Variants in SH3BGRL observed in about 807,000 individuals in gnomAD.
SH3BGRL encodes the protein adapter SH3BGRL.
Under a neutral mutation model 9.8 loss-of-function variants are expected in SH3BGRL, and 7 were observed. The ratio of observed to expected loss-of-function variants is 0.72; its 90% confidence interval spans 0.41 to 1.35. SH3BGRL has a LOEUF of 1.35. Among genes scored for constraint, SH3BGRL ranks in the 40% most tolerant of loss-of-function variants. The pLI is 0.01. For missense variants in SH3BGRL, 73 were observed against 84.4 expected, an observed-to-expected ratio of 0.86 and a Z score of 0.53; for synonymous variants, 36 against 29.1, an observed-to-expected ratio of 1.24 and a Z score of -0.76.
chrX:81,297,271 A>G lies in SH3BGRL; in HGVS notation c.*44A>G. ...TAAGCATCCTGAAAAATGAGTCTCC[A>G]TTGCTTTTATAAAATAGCAGAATTA... On this transcript the variant is annotated 3_prime_UTR_variant, in exon 4 of 4. Coordinates refer to ENST00000373212, the MANE Select transcript of SH3BGRL (RefSeq NM_003022.3). 3 of 1,078,469 alleles carry G rather than the reference A, an allele frequency of 2.8e-6. No individual in the cohort carries two copies. Among genetic ancestry groups the G allele is most frequent in the Non-Finnish European group, 2.6e-6 (2 of 783,970 alleles). 88.9% of individuals were successfully genotyped at this position (1,078,469 alleles called of 1,213,427 possible). A position where few individuals can be genotyped will look rare whatever the true frequency, so the allele number is the denominator to read the frequency against.
At chrX:81,240,108 G>GA (rs957910307) in intron 1 of SH3BGRL, among the ~76,000 whole-genome samples, 2 of 111,905 alleles carry the variant, frequency 1.8e-5, no homozygotes, top group African/African-American at 3.3e-5. Context: ...GAAATACACA[G>GA]AAAAAACACA....
At chrX:81,271,455 G>A (rs1243946564) in intron 1 of SH3BGRL, among the ~76,000 whole-genome samples, 5 of 112,156 alleles carry the variant, frequency 4.5e-5, no homozygotes, top group African/African-American at 1.3e-4. Context: ...CCACATCTTG[G>A]AACATCTGTC....
intron 1 of SH3BGRL, among the ~76,000 whole-genome samples, chrX:81,251,586 AT>A (rs2075710945): frequency 9.0e-6 from 1 of 111,638 alleles, no homozygotes; most frequent in South Asian, 3.7e-4. Context: ...CTGTTTTCTC[AT>A]TAATTACAAT....
chrX:81,278,191 A>T, intron 2 of SH3BGRL, 140 bp from the exon 3 acceptor site: 1 of 402,088 alleles, frequency 2.5e-6, no homozygotes, highest in South Asian at 5.1e-5. Context: ...TCAAACTCCC[A>T]ACCTTAGGTG....
At chrX:81,209,211 T>C (rs1239118069) in intron 1 of SH3BGRL, among the ~76,000 whole-genome samples, 9 of 109,564 alleles carry the variant, frequency 8.2e-5, no homozygotes, top group Non-Finnish European at 1.9e-5. Flanking sequence ...TTTCACCACG[T>C]TGCCCAGGCT....
intron 1 of SH3BGRL, among the ~76,000 whole-genome samples, chrX:81,227,318 G>T (rs912044182): frequency 3.6e-5 from 4 of 112,119 alleles, no homozygotes; most frequent in South Asian, 7.3e-4. Flanking sequence ...CAGATCCATT[G>T]CTAAAGCGAT....
intron 1 of SH3BGRL, among the ~76,000 whole-genome samples, chrX:81,241,399 G>A (rs1274340651): frequency 1.8e-5 from 2 of 112,012 alleles, no homozygotes; most frequent in Non-Finnish European, 3.8e-5. Flanking sequence ...AAATCTGGGG[G>A]CCAGGCTGCC....
intron 1 of SH3BGRL, among the ~76,000 whole-genome samples, chrX:81,250,385 C>T (rs1197153364): frequency 3.9e-4 from 37 of 94,755 alleles, no homozygotes; most frequent in African/African-American, 1.2e-3. Context: ...CCAGCCTGGG[C>T]GACACAGCGA....
chrX:81,276,730 A>G (rs757943824), intron 1 of SH3BGRL, among the ~76,000 whole-genome samples: 10 of 111,306 alleles, frequency 9.0e-5, no homozygotes, highest in Admixed American at 2.9e-4. Context: ...TTAGTTTTGC[A>G]TGTACATCAT....
intron 1 of SH3BGRL, among the ~76,000 whole-genome samples, chrX:81,249,108 GAAAAC>G (rs753871575): frequency 0.011 from 1,195 of 110,815 alleles, 18 homozygotes; most frequent in African/African-American, 0.037. Context: ...GCTGTCTTGG[GAAAAC>G]AAAACAAAAC....
Position 81,269,147 on chromosome X carries a change from C to G in SH3BGRL, c.46-7837C>G, listed in dbSNP as rs138467633. On this transcript the variant is annotated intron_variant, in intron 1 of 3. Transcript: ENST00000373212. ...GATGGGTCTCCTGAATACAGCACAC[C>G]GATGGGTCTTGATTCTTTATCCAAT... Among the ~76,000 whole-genome samples the G allele has an allele frequency of 9.4e-3, 1,048 of 111,125 alleles. 12 individuals carry two copies. The highest frequency in any genetic ancestry group is 0.032 in the African/African-American group (980 of 30,515).
At chrX:81,205,502 GTGTA>G (rs745430830) in intron 1 of SH3BGRL, among the ~76,000 whole-genome samples, 1,068 of 88,887 alleles carry the variant, frequency 0.012, 15 homozygotes, top group African/African-American at 0.045. Context: ...GTGTGTGTGT[GTGTA>G]TATATATATA....
At chrX:81,224,742 T>G (rs1302950298) in intron 1 of SH3BGRL, among the ~76,000 whole-genome samples, 2 of 111,986 alleles carry the variant, frequency 1.8e-5, no homozygotes, top group African/African-American at 6.5e-5. Flanking sequence ...TTCCACTGCA[T>G]TTTTCTTAAA....
chrX:81,235,708 A>T (rs1269019528), intron 1 of SH3BGRL, among the ~76,000 whole-genome samples: 2 of 111,255 alleles, frequency 1.8e-5, no homozygotes, highest in African/African-American at 3.3e-5. Context: ...TTTTCCACTT[A>T]TTAACTGTAC....
intron 1 of SH3BGRL, among the ~76,000 whole-genome samples, chrX:81,273,278 C>T (rs898894775): frequency 2.7e-5 from 3 of 112,682 alleles, no homozygotes; most frequent in African/African-American, 9.7e-5. Flanking sequence ...GTTCTCTCTT[C>T]TCTCATTGGC....
chrX:81,237,056 T>C (rs774010735), intron 1 of SH3BGRL: 9 of 886,597 alleles, frequency 1.0e-5, no homozygotes, highest in Non-Finnish European at 1.3e-5. Flanking sequence ...CAGTGAAGGC[T>C]ATGGTAGTGA....
intron 1 of SH3BGRL, among the ~76,000 whole-genome samples, chrX:81,264,661 T>G (rs1490780457): frequency 2.7e-5 from 3 of 110,859 alleles, no homozygotes; most frequent in Non-Finnish European, 5.7e-5. Context: ...CTTCACTGTC[T>G]TCATTACCTG....
chrX:81,232,722 T>C (rs2075636695), intron 1 of SH3BGRL, among the ~76,000 whole-genome samples: 1 of 110,638 alleles, frequency 9.0e-6, no homozygotes, highest in East Asian at 2.8e-4. Context: ...ACACTTTTCG[T>C]ATTGTGGAAT....
chrX:81,242,738 T>G (rs920154284), intron 1 of SH3BGRL, among the ~76,000 whole-genome samples: 2 of 111,440 alleles, frequency 1.8e-5, no homozygotes, highest in Admixed American at 1.9e-4. Context: ...AAAAAACTTA[T>G]AATCCAATCA....
Sources: gnomAD v4.1 joint callset for allele counts (sites outside exome capture counted in the v4.1 genomes callset) on GRCh38, gnomAD v4.1.1 for gene constraint, MANE v1.5 for transcripts, NCBI Gene and HGNC (gene_info 2026-07-23, HGNC 2026-07-21) for gene names.